The following ANO3 variants were observed in gnomAD, a reference collection of about 807,000 sequenced individuals.
ANO3 encodes anoctamin-3.
In ANO3, 99 loss-of-function variants were observed where a neutral mutation model predicts 144.8. The ratio of observed to expected loss-of-function variants is 0.68; its 90% CI spans 0.58 to 0.81. The LOEUF is 0.81. ANO3 is among the 30% of genes least tolerant of loss of function. The probability of loss-of-function intolerance (pLI) is 0.00; values close to 1 mark genes in which losing one functional copy is unlikely to be tolerated. For missense variants in ANO3, 905 were observed against 1,202.2 expected (o/e 0.75, Z 3.66); for synonymous variants, 414 against 392.6 (o/e 1.05, Z -0.64).
chr11:26,334,348 A>G (rs1404848739), intron 1 of ANO3, among the ~76,000 whole-genome samples: 1 of 152,262 alleles, frequency 6.6e-6, no homozygotes, highest in Non-Finnish European at 1.5e-5. Context: ...ATTGAGGATT[A>G]GCTATTTTTA....
At chr11:26,231,873 T>G (rs1479849269) in intron 1 of ANO3, among the ~76,000 whole-genome samples, 1 of 152,214 alleles carries the variant, frequency 6.6e-6, no homozygotes, top group African/African-American at 2.4e-5. Flanking sequence ...TAGTTTAAAG[T>G]GTGCTTCTGC....
chr11:26,275,015 C>A (rs1408925394), intron 1 of ANO3, among the ~76,000 whole-genome samples: 5 of 151,752 alleles, frequency 3.3e-5, no homozygotes, highest in Non-Finnish European at 7.4e-5. Context: ...TAAAAGGTTA[C>A]CTCAAAATGC....
At position 26,277,534 on chromosome 11, in the gene ANO3, T is replaced by C. The variant is rs143966340; in HGVS notation, c.155-32111T>C. 5.0e-3 allele frequency among the ~76,000 whole-genome samples: 756 copies of C among 152,198 alleles called. 7 individuals are homozygous for C. The highest frequency in any genetic ancestry group is 0.016 in the African/African-American group (667 of 41,518). On this transcript the variant is annotated intron_variant, in intron 1 of 27. Coordinates refer to the ANO3 transcript ENST00000672621. ...TCACAATTTGTCTCTCAAAATCTTTTTGACTTTTGCTGCTCCTTCATTTTG... is the reference window on the plus strand; with the variant it reads ...TCACAATTTGTCTCTCAAAATCTTTCTGACTTTTGCTGCTCCTTCATTTTG...
At chr11:26,515,146 T>C (rs1179619087) in intron 5 of ANO3, among the ~76,000 whole-genome samples, 1 of 152,092 alleles carries the variant, frequency 6.6e-6, no homozygotes, top group African/African-American at 2.4e-5. Flanking sequence ...TTCATTTTAA[T>C]AATCCTTTGT....
chr11:26,559,597 C>T (rs1324605661), intron 13 of ANO3, 122 bp from the exon 14 acceptor site: 2 of 702,942 alleles, frequency 2.8e-6, no homozygotes, highest in Admixed American at 2.1e-5. Flanking sequence ...TATAATATTT[C>T]TGTACTATAA....
chr11:26,299,258 T>C (rs557087109), intron 1 of ANO3, among the ~76,000 whole-genome samples: 1 of 152,260 alleles, frequency 6.6e-6, no homozygotes, highest in East Asian at 1.9e-4. Context: ...GGGAAGTTTA[T>C]CAAGGAGGAA....
At chr11:26,575,077 A>G (rs12793330) in intron 14 of ANO3, among the ~76,000 whole-genome samples, 19,264 of 152,072 alleles carry the variant, frequency 0.13, 1,489 homozygotes, top group Non-Finnish European at 0.16. Flanking sequence ...ATTTCTATCT[A>G]TATATTTATG....
At chr11:26,266,805 G>C (rs535472142) in intron 1 of ANO3, among the ~76,000 whole-genome samples, 1 of 151,740 alleles carries the variant, frequency 6.6e-6, no homozygotes, top group East Asian at 2.0e-4. Context: ...CTTTCAGCCG[G>C]GTGTGGTGGC....
chr11:26,341,708 G>A (rs1168731756), intron 1 of ANO3, among the ~76,000 whole-genome samples: 1 of 152,158 alleles, frequency 6.6e-6, no homozygotes, highest in African/African-American at 2.4e-5. Context: ...GGAAGCCAGT[G>A]GTGGATCAGT....
intron 1 of ANO3, among the ~76,000 whole-genome samples, chr11:26,389,834 GA>G (rs1856829888): frequency 6.6e-6 from 1 of 151,954 alleles, no homozygotes; most frequent in African/African-American, 2.4e-5. Context: ...ATACTCTCTA[GA>G]ATTCTAGAAT....
At chr11:26,581,307 CTT>C (rs5790592) in intron 14 of ANO3, among the ~76,000 whole-genome samples, 11 of 140,954 alleles carry the variant, frequency 7.8e-5, no homozygotes, top group Non-Finnish European at 7.6e-5. Context: ...GTGCAATTCC[CTT>C]TTTTTTTTTT....
chr11:26,300,989 G>C (rs1202321487), intron 1 of ANO3, among the ~76,000 whole-genome samples: 1 of 134,102 alleles, frequency 7.5e-6, no homozygotes, highest in Non-Finnish European at 1.5e-5. Flanking sequence ...AAGTAGTTGG[G>C]ATTACAGGTG....
chr11:26,458,034 T>C (rs1420826164), intron 3 of ANO3, among the ~76,000 whole-genome samples: 1 of 152,144 alleles, frequency 6.6e-6, no homozygotes, highest in Non-Finnish European at 1.5e-5. Flanking sequence ...TGTTACAATA[T>C]GGGAGAAAGT....
chr11:26,314,666 C>A (rs984517103), intron 1 of ANO3, among the ~76,000 whole-genome samples: 4 of 152,082 alleles, frequency 2.6e-5, no homozygotes, highest in African/African-American at 9.7e-5. Flanking sequence ...TGCTGTCATC[C>A]CACTCTGTTG....
chr11:26,417,360 A>G lies in ANO3; in HGVS notation c.47-24558A>G, dbSNP rs540234167. On this transcript the variant is annotated intron_variant, in intron 1 of 26. Transcript: ENST00000256737. ...GAATTTCTACTTAGTAATAAAAACG[A>G]ACAAATTCCTGATACTCACAAAAAA... Among the ~76,000 whole-genome samples, 30 of 152,252 alleles carry G rather than the reference A, an allele frequency of 2.0e-4. No homozygotes were observed. The South Asian group carries it at 6.0e-3, about 30-fold the overall frequency.
At chr11:26,230,721 C>G (rs1189094726) in intron 1 of ANO3, among the ~76,000 whole-genome samples, 3 of 135,758 alleles carry the variant, frequency 2.2e-5, no homozygotes, top group African/African-American at 8.5e-5. Flanking sequence ...TGCTTGAACT[C>G]AGAAGACAGA....
chr11:26,496,993 T>TAG (rs1459164862), intron 4 of ANO3, among the ~76,000 whole-genome samples: 1 of 129,792 alleles, frequency 7.7e-6, no homozygotes, highest in African/African-American at 2.8e-5. Flanking sequence ...TATATATATA[T>TAG]ATACACACAC....
intron 14 of ANO3, chr11:26,560,922 T>A: frequency 2.6e-6 from 2 of 783,512 alleles, no homozygotes; most frequent in South Asian, 4.0e-5. Context: ...TGTCTACATT[T>A]CTGCTACTGG....
chr11:26,189,955 T>C (rs1056998564), intron 1 of ANO3, among the ~76,000 whole-genome samples: 29 of 152,162 alleles, frequency 1.9e-4, no homozygotes, highest in Admixed American at 1.6e-3. Flanking sequence ...CACTAATAGT[T>C]TGCATTCATC....
Sources: allele counts gnomAD v4.1 joint callset (sites outside exome capture counted in the v4.1 genomes callset), GRCh38; gene constraint gnomAD v4.1.1; transcripts MANE v1.5; gene names NCBI Gene and HGNC (gene_info 2026-07-23, HGNC 2026-07-21).